Variants in TTC39C observed in about 807,000 individuals in gnomAD.
TTC39C encodes the protein tetratricopeptide repeat domain 39C, also known as tetratricopeptide repeat protein 39C.
In TTC39C, 33 loss-of-function variants were observed where a neutral mutation model predicts 76.3. The observed-to-expected ratio is 0.43, with a 90% confidence interval of 0.33 to 0.58. TTC39C has a LOEUF of 0.58. Ranked by LOEUF, TTC39C falls within the 20% of genes least tolerant of loss-of-function variation. The probability of loss-of-function intolerance (pLI) is 0.04; values close to 1 mark genes in which losing one functional copy is unlikely to be tolerated. For synonymous variants in TTC39C, 254 were observed against 260.6 expected, an observed-to-expected ratio of 0.97 and a Z score of 0.24; for missense variants, 595 against 701.4, an observed-to-expected ratio of 0.85 and a Z score of 1.71.
At position 24,023,350 on chromosome 18, in the gene TTC39C, G is replaced by C. The variant is rs193190076; in HGVS notation, c.167+8312G>C. On this transcript the variant is annotated intron_variant, in intron 1 of 13. Transcript: ENST00000317571. ...CCAGGCTGCCCTGTGCTGAGTAAGG[G>C]CGATGGGAAGCAAAGCCGCTGCTGA... 9.7e-4 allele frequency among the ~76,000 whole-genome samples: 147 copies of C among 152,286 alleles called. 4 individuals carry two copies. In the East Asian group the frequency reaches 0.028, roughly 29 times the overall value.
chr18:24,082,909 C>G lies in TTC39C; in HGVS notation c.816-4C>G, dbSNP rs763295209. ...GCTCAATGTTTCTCTCCCTCTTCCT[C>G]TAGATTAGCTCTGCTCTGGTATCAT... On this transcript the variant is annotated splice_polypyrimidine_tract_variant and splice_region_variant and intron_variant, in intron 5 of 13. Coordinates refer to ENST00000317571, the MANE Select transcript of TTC39C (RefSeq NM_001135993.2). 1.3e-6 allele frequency: 2 copies of G among 1,583,036 alleles called. No homozygotes were observed. The highest frequency in any genetic ancestry group is 2.3e-5 in the South Asian group (2 of 86,718).
intron 1 of TTC39C, among the ~76,000 whole-genome samples, chr18:23,994,977 T>C (rs1858093142): frequency 6.6e-6 from 1 of 152,196 alleles, no homozygotes; most frequent in East Asian, 1.9e-4. Flanking sequence ...AAATTGACTT[T>C]GGTAAAATGT....
rs1339160696 is a variant in TTC39C at position 23,998,389 on chromosome 18, C to T, written c.-17+5351C>T. On this transcript the variant is annotated intron_variant, in intron 1 of 13. Coordinates refer to the TTC39C transcript ENST00000304621. ...CTGTAATCACAGTGCTTTCAGAGGC[C>T]GAGGCATTTGGATCACTTGAGGCCA... is the stretch of plus-strand genomic sequence containing the variant. 5.3e-5 allele frequency among the ~76,000 whole-genome samples: 8 copies of T among 152,230 alleles called. No individual in the cohort carries two copies. The South Asian group carries it at 1.0e-3, about 20-fold the overall frequency.
At chr18:24,053,589 T>C (rs1258419405) in intron 1 of TTC39C, among the ~76,000 whole-genome samples, 4 of 152,350 alleles carry the variant, frequency 2.6e-5, no homozygotes, top group Middle Eastern at 3.4e-3. Context: ...GTTCAACAAA[T>C]TTGGAAAACA....
intron 1 of TTC39C, among the ~76,000 whole-genome samples, chr18:24,005,693 A>T (rs1167105390): frequency 1.3e-5 from 2 of 151,888 alleles, no homozygotes; most frequent in South Asian, 2.1e-4. Context: ...AAAAAAAAAA[A>T]AATTAAAAAT....
intron 1 of TTC39C, chr18:23,994,069 A>C (rs2083240581): frequency 6.6e-6 from 1 of 152,218 alleles, no homozygotes; most frequent in Non-Finnish European, 1.5e-5. Context: ...AATCTCTGAA[A>C]AGATATGAAG....
chr18:24,069,317 A>G (rs752901174), intron 4 of TTC39C, 46 bp downstream of exon 4: 1 of 1,484,456 alleles, frequency 6.7e-7, no homozygotes, highest in East Asian at 2.3e-5. Context: ...TTCAGTGCAC[A>G]CAATTAGTAA....
chr18:24,105,886 T>C (rs1466161718), intron 6 of TTC39C, among the ~76,000 whole-genome samples: 1 of 152,218 alleles, frequency 6.6e-6, no homozygotes, highest in Non-Finnish European at 1.5e-5. Context: ...CTGAGGGCCG[T>C]GAGGGAGAGC....
At chr18:24,072,682 A>C (rs1336998873) in intron 4 of TTC39C, among the ~76,000 whole-genome samples, 1 of 152,208 alleles carries the variant, frequency 6.6e-6, no homozygotes, top group African/African-American at 2.4e-5. Flanking sequence ...TTAATTTCCC[A>C]TACTACTTTA....
chr18:24,028,158 G>T (rs1306072651), intron 1 of TTC39C, among the ~76,000 whole-genome samples: 1 of 152,176 alleles, frequency 6.6e-6, no homozygotes, highest in Non-Finnish European at 1.5e-5. Context: ...AAAAAAGGAG[G>T]TGGGAAAGGG....
intron 1 of TTC39C, among the ~76,000 whole-genome samples, chr18:24,034,129 AGAG>A (rs1331802274): frequency 6.6e-6 from 1 of 152,240 alleles, no homozygotes; most frequent in Non-Finnish European, 1.5e-5. Context: ...CAGATGTCCC[AGAG>A]GAGGTGACAC....
At chr18:24,094,574 A>C (rs1445446448) in intron 6 of TTC39C, among the ~76,000 whole-genome samples, 1 of 152,248 alleles carries the variant, frequency 6.6e-6, no homozygotes, top group Non-Finnish European at 1.5e-5. Context: ...TCCTTGTTCC[A>C]TGAGCTGCAG....
intron 6 of TTC39C, among the ~76,000 whole-genome samples, chr18:24,107,896 G>A (rs200957293): frequency 0.055 from 6,891 of 124,240 alleles, 374 homozygotes; most frequent in East Asian, 0.36. Context: ...GTAGGGGGGG[G>A]GGTACAGGCA....
At chr18:24,055,586 G>GT (rs753129711) in intron 1 of TTC39C, among the ~76,000 whole-genome samples, 16 of 152,070 alleles carry the variant, frequency 1.1e-4, no homozygotes, top group Non-Finnish European at 2.2e-4. Flanking sequence ...TAGATTGTTC[G>GT]TTTTTTGTTG....
chr18:23,995,670 C>T (rs938111810), intron 1 of TTC39C, among the ~76,000 whole-genome samples: 17 of 151,872 alleles, frequency 1.1e-4, no homozygotes, highest in Non-Finnish European at 2.5e-4. Flanking sequence ...TTTGTGTGAC[C>T]TGCCTGGGCA....
chr18:24,109,823 G>T (rs1262075494), intron 6 of TTC39C, among the ~76,000 whole-genome samples: 1 of 152,048 alleles, frequency 6.6e-6, no homozygotes, highest in Non-Finnish European at 1.5e-5. Flanking sequence ...TGGCCAACAT[G>T]GTGAAACCCT....
At chr18:24,104,981 A>G (rs2084728824) in intron 6 of TTC39C, among the ~76,000 whole-genome samples, 1 of 152,140 alleles carries the variant, frequency 6.6e-6, no homozygotes, top group South Asian at 2.1e-4. Context: ...AAGATTGATA[A>G]AATTGATCAA....
Position 24,123,828 on chromosome 18 carries a change from T to C in TTC39C, c.1187-6T>C, listed in dbSNP as rs760845812. On this transcript the variant is annotated splice_region_variant and splice_polypyrimidine_tract_variant and intron_variant, in intron 8 of 13. Coordinates refer to ENST00000317571, the MANE Select transcript of TTC39C (RefSeq NM_001135993.2). The stretch of plus-strand genomic sequence containing the variant: ...ACTTAAGAAATATAATTATGGTTTC[T>C]TACAGTTTGTCAGGGAGCCACTGGT... 1 of 1,602,868 alleles carries C rather than the reference T, an allele frequency of 6.2e-7. No individual in the cohort carries two copies. The highest frequency in any genetic ancestry group is 8.5e-7 in the Non-Finnish European group (1 of 1,174,652).
Position 24,080,845 on chromosome 18 carries a change from A to G in TTC39C, c.721A>G (p.Ile241Val), listed in dbSNP as rs550278973. 6 of 1,614,062 alleles carry G rather than the reference A, an allele frequency of 3.7e-6. No homozygotes were observed. The highest frequency in any genetic ancestry group is 5.1e-6 in the Non-Finnish European group (6 of 1,180,040). The change falls in exon 5 of 14, where the codon ATC (isoleucine) becomes GTC (valine). Residue 241 changes from isoleucine to valine, a missense_variant. By Grantham distance (29) the Ile-to-Val change is conservative. Coordinates refer to ENST00000317571, the MANE Select transcript of TTC39C (RefSeq NM_001135993.2). ...GGTGCCCCCAAACCTGCTCAAAATC[A>G]TCAACCTGCTGGGTTTTCCTGGAGA... is the stretch of plus-strand genomic sequence containing the variant. ...SMVPPNLLKI[I>V]NLLGFPGDRL...
Sources: gnomAD v4.1 joint callset for allele counts (sites outside exome capture counted in the v4.1 genomes callset) on GRCh38, gnomAD v4.1.1 for gene constraint, MANE v1.5 for transcripts, NCBI Gene and HGNC (gene_info 2026-07-23, HGNC 2026-07-21) for gene names.